Variants in CCL24 observed in about 807,000 individuals in gnomAD.
CCL24 encodes the protein C-C motif chemokine 24.
CCL24 carries 6 observed loss-of-function variants against 8.6 expected under a neutral mutation model. The ratio of observed to expected loss-of-function variants is 0.70; its 90% CI spans 0.38 to 1.38. The LOEUF (loss-of-function observed/expected upper bound fraction) is 1.38, where lower values mean the gene tolerates loss of function less well. Ranked by LOEUF, CCL24 falls within the 40% of genes most tolerant of loss-of-function variation. The pLI is 0.02. For missense variants in CCL24, 126 were observed against 147.1 expected (o/e 0.86, Z 0.74); for synonymous variants, 59 against 52.7 (o/e 1.12, Z -0.52).
Position 75,811,901 on chromosome 7 carries a change from G to A in CCL24, c.255C>T (p.Tyr85=). Residue 85 remains tyrosine, a synonymous_variant, in exon 3 of 3, where the codon TAC becomes TAT. Transcript: ENST00000222902. The stretch of plus-strand genomic sequence containing the variant: ...TCTGCTTGGCGTCCAGGTTCTTCAT[G>A]TACCTCTGGACCCACTCCTGCTTGG... The part of the protein sequence containing the change: ...GDPKQEWVQR[Y]MKNLDAKQKK... The A allele has an allele frequency of 6.2e-7, 1 of 1,610,846 alleles. No homozygotes were observed.
intron 1 of CCL24, among the ~76,000 whole-genome samples, chr7:75,821,906 C>T (rs1250779315): frequency 2.1e-5 from 3 of 140,802 alleles, no homozygotes; most frequent in East Asian, 2.1e-4. Flanking sequence ...CCAGCCTGGG[C>T]GACAGAGCGA....
intron 1 of CCL24, among the ~76,000 whole-genome samples, chr7:75,820,096 T>TC (rs1554534846): frequency 3.2e-4 from 43 of 133,722 alleles, no homozygotes; most frequent in East Asian, 5.0e-4. Context: ...TTCCTCTTCT[T>TC]CTTCTTCTTC....
upstream of CCL24, chr7:75,813,839 G>T: frequency 2.9e-6 from 2 of 679,884 alleles, no homozygotes; most frequent in East Asian, 5.7e-5. Flanking sequence ...CCTTTATGGG[G>T]CAACTAGAAG....
In CCL24 at chr7:75,813,314, T is replaced by A; in HGVS notation, c.183A>T (p.Ala61=). ...CCATGAAGGATACCTACATCACTCC[T>A]GCCTTGAGGCATGTGCTCCTGCTGG... ...QLSSRSTCLK[A]GVIFTTKKGQ... Residue 61 remains alanine (A), a synonymous_variant, in exon 2 of 3, where the codon GCA becomes GCT. Coordinates refer to ENST00000222902, the MANE Select transcript of CCL24 (RefSeq NM_002991.3). 1 of 1,600,816 alleles carries A rather than the reference T, an allele frequency of 6.2e-7. No homozygotes were observed. The highest frequency in any genetic ancestry group is 8.6e-7 in the Non-Finnish European group (1 of 1,168,388).
chr7:75,815,277 T>C (rs1408679794), upstream of CCL24, among the ~76,000 whole-genome samples: 2 of 150,454 alleles, frequency 1.3e-5, no homozygotes, highest in Non-Finnish European at 2.9e-5. Flanking sequence ...AGTTTGAGGC[T>C]ACAGTGAGCT....
upstream of CCL24, among the ~76,000 whole-genome samples, chr7:75,817,399 C>T (rs552153186): frequency 1.1e-4 from 17 of 151,552 alleles, no homozygotes; most frequent in South Asian, 4.2e-4. Flanking sequence ...CAGGAGTGGG[C>T]GAGCAGAAGG....
In CCL24 at chr7:75,813,744, G is replaced by T. The variant is rs781818235; in HGVS notation, c.-29C>A. On this transcript the variant is annotated 5_prime_UTR_variant, in exon 1 of 3. Coordinates refer to ENST00000222902, the MANE Select transcript of CCL24 (RefSeq NM_002991.3). ...TCAGAGAGCAGAAGCACCAGCTCGG[G>T]GCTCAAAGCTGACGTGCAGGAGGAA... 1 of 1,594,374 alleles carries T rather than the reference G, an allele frequency of 6.3e-7. No individual in the cohort carries two copies. The highest frequency in any genetic ancestry group is 2.2e-5 in the East Asian group (1 of 44,758).
Position 75,811,371 on chromosome 7 carries a change from C to T in CCL24, c.*425G>A, listed in dbSNP as rs1467863453. Among the ~76,000 whole-genome samples the T allele has an allele frequency of 1.3e-5, 2 of 151,360 alleles. No homozygotes were observed. The highest frequency in any genetic ancestry group is 2.9e-5 in the Non-Finnish European group (2 of 67,900). ...GTACACACCTGTAGTCCCAGGTACT[C>T]GGGAGGCTGAGGCACGAGAATCACT... On this transcript the variant is annotated 3_prime_UTR_variant, in exon 3 of 3. Transcript: ENST00000222902.
chr7:75,813,446 G>A (rs41364146), intron 1 of CCL24, 23 bp from the exon 2 acceptor site: 24,974 of 1,532,340 alleles, frequency 0.016, 286 homozygotes, highest in Non-Finnish European at 0.018. Flanking sequence ...AGAGAGAAGA[G>A]CCACGTCTTT....
upstream of CCL24, among the ~76,000 whole-genome samples, chr7:75,815,448 C>T (rs977423717): frequency 6.6e-6 from 1 of 151,772 alleles, no homozygotes; most frequent in South Asian, 2.1e-4. Flanking sequence ...TCAAGACCAG[C>T]CTGCTCAACA....
chr7:75,815,568 T>C (rs1234844330), upstream of CCL24, among the ~76,000 whole-genome samples: 4 of 152,130 alleles, frequency 2.6e-5, no homozygotes, highest in East Asian at 3.8e-4. Flanking sequence ...AGCTGACAGC[T>C]GCACTGAGGT....
Position 75,811,387 on chromosome 7 carries a change from G to A in CCL24, c.*409C>T, listed in dbSNP as rs1332296178. ...CCAGGTACTCGGGAGGCTGAGGCAC[G>A]AGAATCACTTGAACCCAGGAGGCGG... is the stretch of plus-strand genomic sequence containing the variant. On this transcript the variant is annotated 3_prime_UTR_variant, in exon 3 of 3. Coordinates refer to ENST00000222902, the MANE Select transcript of CCL24 (RefSeq NM_002991.3). Among the ~76,000 whole-genome samples the A allele has an allele frequency of 2.6e-5, 4 of 151,678 alleles. No individual in the cohort carries two copies. Among genetic ancestry groups the A allele is most frequent in the African/African-American group, 9.7e-5 (4 of 41,280 alleles).
Position 75,813,361 on chromosome 7 carries a change from G to C in CCL24, c.136C>G (p.Arg46Gly), listed in dbSNP as rs201399079. The change falls in exon 2 of 3, where the codon CGA (arginine) becomes GGA (glycine). Residue 46 changes from arginine to glycine, a missense_variant. Coordinates refer to ENST00000222902, the MANE Select transcript of CCL24 (RefSeq NM_002991.3). ...CTGGACAGCTGGTAGCTGACCACTC[G>C]GTTCTCAGGAATTCTCTTGGAAACA... ...FFVSKRIPEN[R>G]VVSYQLSSRS... 1.9e-6 allele frequency: 3 copies of C among 1,613,674 alleles called. No homozygotes were observed. The South Asian group carries it at 3.3e-5, about 18-fold the overall frequency.
intron 1 of CCL24, among the ~76,000 whole-genome samples, chr7:75,823,027 G>A (rs558830555): frequency 8.5e-5 from 13 of 152,226 alleles, no homozygotes; most frequent in African/African-American, 1.7e-4. Flanking sequence ...GCTGCTCTCC[G>A]ATCCACCCCT....
chr7:75,821,616 G>A (rs538989643), intron 1 of CCL24, among the ~76,000 whole-genome samples: 1 of 152,138 alleles, frequency 6.6e-6, no homozygotes, highest in East Asian at 1.9e-4. Flanking sequence ...GGGCAGGTAG[G>A]GAGAGGTCTG....
At chr7:75,820,061 C>CTTCTTT (rs1803998352) in intron 1 of CCL24, among the ~76,000 whole-genome samples, 7 of 131,870 alleles carry the variant, frequency 5.3e-5, no homozygotes, top group Admixed American at 1.7e-4. Context: ...TCTTCTTCTT[C>CTTCTTT]TTCTTCTTCT....
chr7:75,819,039 T>G (rs1258887216), intron 1 of CCL24, among the ~76,000 whole-genome samples: 2 of 148,164 alleles, frequency 1.3e-5, no homozygotes, highest in Admixed American at 1.4e-4. Flanking sequence ...GAGGCCAAGG[T>G]GGGCAGATCA....
chr7:75,814,873 G>T (rs369698559), upstream of CCL24, among the ~76,000 whole-genome samples: 1 of 151,800 alleles, frequency 6.6e-6, no homozygotes, highest in Non-Finnish European at 1.5e-5. Flanking sequence ...CTGTGCAGCC[G>T]GACTTTGCTT....
chr7:75,813,790 T>G lies in CCL24; in HGVS notation c.-75A>C, dbSNP rs2115782556. 2 of 1,240,628 alleles carry G rather than the reference T, an allele frequency of 1.6e-6. No individual in the cohort carries two copies. Among genetic ancestry groups the G allele is most frequent in the East Asian group, 4.7e-5 (2 of 42,814 alleles). The allele number at this position is 1,240,628 out of a possible 1,614,324, so 76.9% of individuals were successfully genotyped here. On this transcript the variant is annotated 5_prime_UTR_variant, in exon 1 of 3. Transcript: ENST00000222902. ...AGGAAAGGACCTAGGGATAAATAGC[T>G]CGGGTCCTTGCAGAGTACCCCAAAC...
Sources: allele counts gnomAD v4.1 joint callset (sites outside exome capture counted in the v4.1 genomes callset), GRCh38; gene constraint gnomAD v4.1.1; transcripts MANE v1.5; gene names NCBI Gene and HGNC (gene_info 2026-07-23, HGNC 2026-07-21).